AQP4: variants seen among roughly 807,000 people sequenced by gnomAD.
The protein encoded by AQP4 is aquaporin 4.
In AQP4, 18 loss-of-function variants were observed where a neutral mutation model predicts 27.8. That is an observed-to-expected ratio of 0.65 (90% CI 0.45 to 0.96). The LOEUF is 0.96. Ranked by LOEUF, AQP4 falls within the 40% of genes least tolerant of loss-of-function variation. AQP4 has a pLI of 0.00. For missense variants in AQP4, 412 were observed against 408.2 expected, an observed-to-expected ratio of 1.01 and a Z score of -0.08; for synonymous variants, 141 against 142.9, an observed-to-expected ratio of 0.99 and a Z score of 0.10.
intron 2 of AQP4, 152 bp downstream of exon 2, chr18:26,862,030 A>G: frequency 1.1e-6 from 1 of 871,524 alleles, no homozygotes; most frequent in South Asian, 1.5e-5. Flanking sequence ...AAATACTGCC[A>G]GAATCAGTTT....
chr18:26,862,568 T>C lies in AQP4; in HGVS notation c.61A>G (p.Asn21Asp), dbSNP rs1014713773. 4 of 1,614,022 alleles carry C rather than the reference T, an allele frequency of 2.5e-6. No individual in the cohort carries two copies. Among genetic ancestry groups the C allele is most frequent in the East Asian group, 2.2e-5 (1 of 44,880 alleles). The change falls in exon 2 of 5, where the codon AAC (asparagine) becomes GAC (aspartate). Residue 21 changes from asparagine to aspartate, a missense_variant. Asn to Asp is a conservative substitution (Grantham distance 23, BLOSUM62 1). Coordinates refer to ENST00000383168, the MANE Select transcript of AQP4 (RefSeq NM_001650.7). ...ACCCCTTTGAAAGCCACCATGATGT[T>C]CTCTCTGGTACACAAAGGTCCACAC... is the stretch of plus-strand genomic sequence containing the variant. ...GKCGPLCTRE[N>D]IMVAFKGVWT... is the part of the protein sequence containing the mutation.
rs941012555 is a variant in AQP4 at position 26,853,176 on chromosome 18, C to T, written c.*3035G>A. ...AATACTGAGCAGCAGCTCTAGCTAG[C>T]ACCTATGAGCTGCATTAGGAAAAGG... is the stretch of plus-strand genomic sequence containing the variant. On this transcript the variant is annotated 3_prime_UTR_variant, in exon 5 of 5. Transcript: ENST00000383168. The T allele has an allele frequency of 2.2e-5, 7 of 324,240 alleles. No homozygotes were observed. The highest frequency in any genetic ancestry group is 4.2e-5 in the African/African-American group (2 of 47,174). The allele number at this position is 324,240 out of a possible 1,614,324, so 20.1% of individuals were successfully genotyped here.
chr18:26,862,654 G>A (rs1299941634), intron 1 of AQP4, 58 bp from the exon 2 acceptor site: 3 of 1,611,930 alleles, frequency 1.9e-6, no homozygotes, highest in Non-Finnish European at 2.5e-6. Context: ...ATGAATTTAG[G>A]TGAAGGGAAC....
intron 4 of AQP4, among the ~76,000 whole-genome samples, chr18:26,859,199 T>C (rs965167512): frequency 6.6e-6 from 1 of 152,238 alleles, no homozygotes. Context: ...TTCAATTTAA[T>C]ATGTTGAACT....
intron 1 of AQP4, among the ~76,000 whole-genome samples, chr18:26,865,083 G>T (rs1286146474): frequency 3.3e-5 from 5 of 150,642 alleles, no homozygotes; most frequent in African/African-American, 1.2e-4. Context: ...TTCTTCCAAG[G>T]CAGATGGACC....
chr18:26,860,937 TC>T, intron 3 of AQP4, 85 bp from the exon 4 acceptor site: 1 of 1,451,620 alleles, frequency 6.9e-7, no homozygotes, highest in Non-Finnish European at 9.7e-7. Flanking sequence ...CTGTCATTTG[TC>T]ACTTAGAGGA....
chr18:26,862,533 T>C lies in AQP4; in HGVS notation c.96A>G (p.Gln32=), dbSNP rs2054972295. 1.9e-6 allele frequency: 3 copies of C among 1,614,080 alleles called. No individual in the cohort carries two copies. In the Admixed American group the frequency reaches 5.0e-5, roughly 27 times the overall value. Residue 32 remains glutamine (Q), a synonymous_variant, in exon 2 of 5, where the codon CAA becomes CAG. Coordinates refer to ENST00000383168, the MANE Select transcript of AQP4 (RefSeq NM_001650.7). The stretch of plus-strand genomic sequence containing the variant: ...CCGCTGTGACTGCTTTCCAGAAAGC[T>C]TGAGTCCAGACCCCTTTGAAAGCCA... The part of the protein sequence containing the change: ...IMVAFKGVWT[Q]AFWKAVTAEF...
Position 26,852,904 on chromosome 18 carries a change from T to A in AQP4, c.*3307A>T. 1 of 398,568 alleles carries A rather than the reference T, an allele frequency of 2.5e-6. No individual in the cohort carries two copies. Among genetic ancestry groups the A allele is most frequent in the Non-Finnish European group, 4.4e-6 (1 of 225,994 alleles). 24.7% of individuals were successfully genotyped at this position (398,568 alleles called of 1,614,324 possible). A position where few individuals can be genotyped will look rare whatever the true frequency, so the allele number is the denominator to read the frequency against. On this transcript the variant is annotated 3_prime_UTR_variant, in exon 5 of 5. Coordinates refer to ENST00000383168, the MANE Select transcript of AQP4 (RefSeq NM_001650.7). ...AGGCAAATTCTCTGTGAATTGTTCG[T>A]AACGTGAGGTTGGTGTCAACATGCT...
Position 26,861,258 on chromosome 18 carries a change from A to G in AQP4, c.485T>C (p.Val162Ala). The stretch of plus-strand genomic sequence containing the variant: ...CAATTGAAATGTGATTATCAACTCA[A>G]CCAGGAGACCATGACCAGCGGTAAG... ...GNLTAGHGLL[V>A]ELIITFQLVF... The change falls in exon 3 of 5, where the codon GTT (valine) becomes GCT (alanine). Residue 162 changes from valine (V) to alanine (A), a missense_variant. Physicochemically the swap from Val to Ala is moderately conservative, Grantham distance 64. Transcript: ENST00000383168. 1 of 1,614,148 alleles carries G rather than the reference A, an allele frequency of 6.2e-7. No individual in the cohort carries two copies. The highest frequency in any genetic ancestry group is 8.5e-7 in the Non-Finnish European group (1 of 1,179,948).
At chr18:26,864,239 C>A (rs1344433355) in intron 1 of AQP4, among the ~76,000 whole-genome samples, 4 of 152,170 alleles carry the variant, frequency 2.6e-5, no homozygotes, top group Non-Finnish European at 4.4e-5. Flanking sequence ...TCCCGGGAAC[C>A]TGCTTTCTGC....
chr18:26,859,274 C>G (rs899099655), intron 4 of AQP4, among the ~76,000 whole-genome samples: 2 of 152,176 alleles, frequency 1.3e-5, no homozygotes, highest in East Asian at 1.9e-4. Context: ...AATCCCAGCA[C>G]TTTGGGAGGC....
rs1244144371 is a variant in AQP4 at position 26,853,974 on chromosome 18, A to G, written c.*2237T>C. 6.6e-6 allele frequency: 1 copy of G among 152,220 alleles called. No homozygotes were observed. The highest frequency in any genetic ancestry group is 1.5e-5 in the Non-Finnish European group (1 of 68,028). 9.4% of individuals were successfully genotyped at this position (152,220 alleles called of 1,614,324 possible). A position where few individuals can be genotyped will look rare whatever the true frequency, so the allele number is the denominator to read the frequency against. ...AATATTGAGCAAAATAAAGATTAAA[A>G]GAAAATTATTTATATTCTTAAATCT... On this transcript the variant is annotated 3_prime_UTR_variant, in exon 5 of 5. Transcript: ENST00000383168.
chr18:26,856,667 AT>A (rs2054851015), intron 4 of AQP4, among the ~76,000 whole-genome samples, 178 bp from the exon 5 acceptor site: 1 of 151,898 alleles, frequency 6.6e-6, no homozygotes, highest in South Asian at 2.1e-4. Context: ...AGATCCATAA[AT>A]TATTAAACTG....
chr18:26,860,584 A>C (rs1030122124), intron 4 of AQP4, 188 bp downstream of exon 4: 47 of 599,146 alleles, frequency 7.8e-5, no homozygotes, highest in African/African-American at 7.8e-4. Context: ...GATGTTTTAC[A>C]TCTCTTATCT....
intron 1 of AQP4, among the ~76,000 whole-genome samples, chr18:26,864,637 G>T (rs887769433): frequency 6.6e-6 from 1 of 152,214 alleles, no homozygotes; most frequent in Non-Finnish European, 1.5e-5. Context: ...GAAGTTAGGA[G>T]AGTCACTTCT....
rs1413523151 is a variant in AQP4 at position 26,853,662 on chromosome 18, GA to G, written c.*2548del. ...ACTTCATTAATAAGAAGGGATTAAA[GA>G]AAAAAGCCCCAGTCTCCTAATACAC... is the stretch of plus-strand genomic sequence containing the variant. On this transcript the variant is annotated 3_prime_UTR_variant, in exon 5 of 5. Coordinates refer to ENST00000383168, the MANE Select transcript of AQP4 (RefSeq NM_001650.7). 6.6e-6 allele frequency: 1 copy of G among 152,500 alleles called. No homozygotes were observed. Among genetic ancestry groups the G allele is most frequent in the Non-Finnish European group, 1.5e-5 (1 of 68,018 alleles). 9.4% of individuals were successfully genotyped at this position (152,500 alleles called of 1,614,324 possible).
rs2144980810 is a variant in AQP4, at chr18:26,865,703, A to T, written c.-14T>A. The T allele has an allele frequency of 6.2e-7, 1 of 1,614,200 alleles. No homozygotes were observed. The highest frequency in any genetic ancestry group is 2.2e-5 in the East Asian group (1 of 44,872). ...TCTGTCACTCATGCCTTCCCCAGCC[A>T]GAGTGCAGCTCTCATTGCCTGCCCC... On this transcript the variant is annotated 5_prime_UTR_variant, in exon 1 of 5. Coordinates refer to ENST00000383168, the MANE Select transcript of AQP4 (RefSeq NM_001650.7).
At chr18:26,862,751 C>T (rs1268943931) in intron 1 of AQP4, 155 bp from the exon 2 acceptor site, 17 of 898,244 alleles carry the variant, frequency 1.9e-5, no homozygotes, top group Middle Eastern at 3.2e-4. Flanking sequence ...AAAGCTCCTT[C>T]ATGAATAGTC....
Position 26,853,215 on chromosome 18 carries a change from A to G in AQP4, c.*2996T>C, listed in dbSNP as rs2054781913. 4.1e-6 allele frequency: 1 copy of G among 243,402 alleles called. No homozygotes were observed. The highest frequency in any genetic ancestry group is 2.2e-5 in the African/African-American group (1 of 45,118). The allele number at this position is 243,402 out of a possible 1,614,324, so 15.1% of individuals were successfully genotyped here. A position where few individuals can be genotyped will look rare whatever the true frequency, so the allele number is the denominator to read the frequency against. On this transcript the variant is annotated 3_prime_UTR_variant, in exon 5 of 5. Transcript: ENST00000383168. Reference sequence around the variant, plus strand: ...ATTAGGAAAAGGCTCAGATAATAAAAAGATAGTATAAGGGTTTAGGAAAAG... The same window carrying G: ...ATTAGGAAAAGGCTCAGATAATAAAGAGATAGTATAAGGGTTTAGGAAAAG...
Sources: allele counts gnomAD v4.1 joint callset (sites outside exome capture counted in the v4.1 genomes callset), GRCh38; gene constraint gnomAD v4.1.1; transcripts MANE v1.5; gene names NCBI Gene and HGNC (gene_info 2026-07-23, HGNC 2026-07-21).